Variants in TMTC1 observed in about 807,000 individuals in gnomAD.
TMTC1 encodes transmembrane O-mannosyltransferase targeting cadherins 1.
A neutral mutation model predicts 104.8 loss-of-function variants in TMTC1; 73 were observed. The observed-to-expected ratio is 0.70, with a 90% CI of 0.58 to 0.85. The LOEUF is 0.85. TMTC1 is among the 40% of genes least tolerant of loss of function. The pLI, the probability that TMTC1 is intolerant of heterozygous loss-of-function variation, is 0.00. For synonymous variants in TMTC1, 434 were observed against 428.7 expected, an observed-to-expected ratio of 1.01 and a Z score of -0.15; for missense variants, 1,035 against 1,096.1, an observed-to-expected ratio of 0.94 and a Z score of 0.79.
chr12:29,561,558 A>G (rs975576546), intron 9 of TMTC1, among the ~76,000 whole-genome samples: 8 of 152,252 alleles, frequency 5.3e-5, no homozygotes, highest in African/African-American at 1.9e-4. Flanking sequence ...TAAGATTTAC[A>G]TACGTGCTTT....
chr12:29,770,272 C>A (rs1943566492), intron 1 of TMTC1, among the ~76,000 whole-genome samples: 1 of 152,100 alleles, frequency 6.6e-6, no homozygotes, highest in African/African-American at 2.4e-5. Context: ...ACATATATTC[C>A]TTTCTCCTTC....
intron 5 of TMTC1, among the ~76,000 whole-genome samples, chr12:29,721,697 T>C (rs1411632777): frequency 6.6e-6 from 1 of 152,156 alleles, no homozygotes; most frequent in African/African-American, 2.4e-5. Context: ...CTTGTTCTTA[T>C]ACACCAGCAC....
chr12:29,608,471 C>T (rs1399937204), intron 6 of TMTC1, among the ~76,000 whole-genome samples: 1 of 152,178 alleles, frequency 6.6e-6, no homozygotes, highest in Non-Finnish European at 1.5e-5. Context: ...ACTAAGACAG[C>T]TAATAACACA....
chr12:29,572,005 G>C, intron 9 of TMTC1, 100 bp downstream of exon 9: 1 of 926,772 alleles, frequency 1.1e-6, no homozygotes, highest in Non-Finnish European at 1.7e-6. Flanking sequence ...ACTGTCAAGA[G>C]AAACAAACAA....
At chr12:29,702,929 G>C (rs1161771235) in intron 5 of TMTC1, among the ~76,000 whole-genome samples, 1 of 152,162 alleles carries the variant, frequency 6.6e-6, no homozygotes, top group Admixed American at 6.5e-5. Flanking sequence ...TGGATCACCT[G>C]AGGTCAGGAG....
intron 1 of TMTC1, among the ~76,000 whole-genome samples, chr12:29,769,148 G>A (rs1253041377): frequency 2.6e-5 from 4 of 152,226 alleles, no homozygotes; most frequent in Non-Finnish European, 4.4e-5. Context: ...TGACATACGC[G>A]TATTCTAAAT....
intron 5 of TMTC1, among the ~76,000 whole-genome samples, chr12:29,689,919 C>T (rs1208721638): frequency 6.6e-6 from 1 of 152,128 alleles, no homozygotes; most frequent in East Asian, 1.9e-4. Context: ...ACTGTGTGTT[C>T]CTGATTATTA....
intron 11 of TMTC1, among the ~76,000 whole-genome samples, chr12:29,526,274 G>A (rs957694435): frequency 6.6e-6 from 1 of 152,184 alleles, no homozygotes; most frequent in African/African-American, 2.4e-5. Context: ...AAGGACTTTG[G>A]AAGGACCAGG....
Position 29,601,420 on chromosome 12 carries a change from C to T in TMTC1, c.1250+2758G>A, listed in dbSNP as rs1946562065. Among the ~76,000 whole-genome samples the T allele has an allele frequency of 2.6e-5, 4 of 152,188 alleles. No individual in the cohort carries two copies. The South Asian group carries it at 8.3e-4, about 31-fold the overall frequency. The stretch of plus-strand genomic sequence containing the variant: ...ATTCTCCTGTATCTAAACTAGATGA[C>T]ACTTTGCTGAGCTTACAAATCTTTG... On this transcript the variant is annotated intron_variant, in intron 7 of 17. Transcript: ENST00000539277.
chr12:29,623,060 G>A (rs546479905), intron 6 of TMTC1, among the ~76,000 whole-genome samples: 2 of 152,302 alleles, frequency 1.3e-5, no homozygotes, highest in East Asian at 3.9e-4. Context: ...TACTCTTTGA[G>A]TTGCTTACCC....
intron 14 of TMTC1, among the ~76,000 whole-genome samples, chr12:29,517,193 A>G (rs1188510084): frequency 6.6e-6 from 1 of 152,210 alleles, no homozygotes; most frequent in Non-Finnish European, 1.5e-5. Context: ...GGTATATGTA[A>G]ATTTTTTACT....
chr12:29,751,770 C>G lies in TMTC1; in HGVS notation c.834G>C (p.Arg278=). 6.2e-7 allele frequency: 1 copy of G among 1,614,056 alleles called. No homozygotes were observed. Among genetic ancestry groups the G allele is most frequent in the Non-Finnish European group, 8.5e-7 (1 of 1,180,006 alleles). The change falls in exon 5 of 18, where the codon CGG becomes CGC. Residue 278 remains arginine, a synonymous_variant. Coordinates refer to ENST00000539277, the MANE Select transcript of TMTC1 (RefSeq NM_001193451.2). The part of the protein sequence containing the change: ...HPHRENGKQQ[R]FPHKGAWGGC... The stretch of plus-strand genomic sequence containing the variant: ...CACCCCAAGCTCCTTTGTGAGGGAA[C>G]CGCTGCTGCTTCCCATTCTCCCGGT...
At chr12:29,710,781 T>C (rs1158716550) in intron 5 of TMTC1, among the ~76,000 whole-genome samples, 1 of 125,626 alleles carries the variant, frequency 8.0e-6, no homozygotes, top group African/African-American at 3.0e-5. Flanking sequence ...ATATTAATAA[T>C]AAATATATTA....
chr12:29,653,384 G>T (rs1002803117), intron 5 of TMTC1, among the ~76,000 whole-genome samples: 2 of 151,990 alleles, frequency 1.3e-5, no homozygotes, highest in Admixed American at 1.3e-4. Context: ...CAGCACGAGG[G>T]GACTACTTGG....
rs770187976 is a variant in TMTC1, at chr12:29,516,410, C to T, written c.2246G>A (p.Gly749Glu). ...MTNHIVSEET[G>E]CLECYRLLSA... Reference sequence around the variant, plus strand: ...CAAGAGGCGATAGCATTCAAGGCATCCGGTCTCCTCTGACACAATGTGATT... The same window carrying T: ...CAAGAGGCGATAGCATTCAAGGCATTCGGTCTCCTCTGACACAATGTGATT... The change falls in exon 15 of 18, where the codon GGA (glycine) becomes GAA (glutamate). Residue 749 changes from glycine (G) to glutamate (E), a missense_variant. Gly to Glu is a moderately conservative substitution (Grantham distance 98). Coordinates refer to ENST00000539277, the MANE Select transcript of TMTC1 (RefSeq NM_001193451.2). 1 of 1,614,068 alleles carries T rather than the reference C, an allele frequency of 6.2e-7. No homozygotes were observed. Among genetic ancestry groups the T allele is most frequent in the Admixed American group, 1.7e-5 (1 of 60,010 alleles).
intron 5 of TMTC1, among the ~76,000 whole-genome samples, chr12:29,745,790 A>G (rs907131617): frequency 6.6e-6 from 1 of 152,152 alleles, no homozygotes; most frequent in African/African-American, 2.4e-5. Flanking sequence ...TATACTGGTT[A>G]GTTTGGTCAG....
At chr12:29,534,747 G>T (rs1015861508) in intron 11 of TMTC1, 22 of 152,146 alleles carry the variant, frequency 1.4e-4, no homozygotes, top group African/African-American at 5.3e-4. Context: ...TTTTTAAAAT[G>T]AGCTTAGATG....
chr12:29,731,698 A>C (rs1019701535), intron 5 of TMTC1, among the ~76,000 whole-genome samples: 2 of 152,346 alleles, frequency 1.3e-5, no homozygotes, highest in South Asian at 4.1e-4. Flanking sequence ...AATACAAAAA[A>C]AGGAAATGAA....
At chr12:29,700,477 G>A (rs1408493926) in intron 5 of TMTC1, among the ~76,000 whole-genome samples, 1 of 151,956 alleles carries the variant, frequency 6.6e-6, no homozygotes, top group African/African-American at 2.4e-5. Flanking sequence ...TGGAATTATA[G>A]GCATGAGCCA....
Sources: allele counts gnomAD v4.1 joint callset (sites outside exome capture counted in the v4.1 genomes callset), GRCh38; gene constraint gnomAD v4.1.1; transcripts MANE v1.5; gene names NCBI Gene and HGNC (gene_info 2026-07-23, HGNC 2026-07-21).